The following ZNF75D variants were observed in gnomAD, a reference collection of about 807,000 sequenced individuals.
The protein encoded by ZNF75D is zinc finger protein 75D.
ZNF75D carries 33 observed loss-of-function variants against 33.3 expected under a neutral mutation model. The observed-to-expected ratio is 0.99, with a 90% CI of 0.75 to 1.32. The LOEUF (loss-of-function observed/expected upper bound fraction) is 1.32. ZNF75D is among the 40% of genes most tolerant of loss of function. The pLI, the probability that ZNF75D is intolerant of heterozygous loss-of-function variation, is 0.00. For missense variants in ZNF75D, 338 were observed against 367.5 expected, an observed-to-expected ratio of 0.92 and a Z score of 0.66; for synonymous variants, 113 against 130.6, an observed-to-expected ratio of 0.87 and a Z score of 0.92.
Position 135,294,167 on chromosome X carries a change from T to C in ZNF75D, c.-27A>G. On this transcript the variant is annotated 5_prime_UTR_variant, in exon 3 of 7. The change creates a new upstream start codon in the 5' untranslated region. Coordinates refer to ENST00000370766, the MANE Select transcript of ZNF75D (RefSeq NM_007131.5). ...TGCTCTAGGAACAGTTTTACTCTTG[T>C]ATGTGACACTGACACCCACCTGGTA... 4 of 1,142,003 alleles carry C rather than the reference T, an allele frequency of 3.5e-6. No individual in the cohort carries two copies. The South Asian group carries it at 8.4e-5, about 24-fold the overall frequency. The allele number at this position is 1,142,003 out of a possible 1,213,427, so 94.1% of individuals were successfully genotyped here. A position where few individuals can be genotyped will look rare whatever the true frequency, so the allele number is the denominator to read the frequency against.
downstream of ZNF75D, among the ~76,000 whole-genome samples, chrX:135,281,173 G>A (rs1247115328): frequency 9.1e-6 from 1 of 110,023 alleles, no homozygotes; most frequent in East Asian, 2.9e-4. Context: ...ATTTCTTGGA[G>A]GCTTTGTTCC....
At chrX:135,256,792 A>G (rs971219844) in intron 1 of ZNF75D, among the ~76,000 whole-genome samples, 1 of 111,988 alleles carries the variant, frequency 8.9e-6, no homozygotes, top group East Asian at 2.8e-4. Context: ...CAGTATAAAA[A>G]TGGACTAACA....
chrX:135,311,113 T>C (rs1556427919), intron 1 of ZNF75D, among the ~76,000 whole-genome samples: 1 of 112,658 alleles, frequency 8.9e-6, no homozygotes, highest in Non-Finnish European at 1.9e-5. Context: ...GGTGAGCTTT[T>C]CCCACTTGGT....
At chrX:135,283,129 C>A (rs782778949), downstream of ZNF75D, among the ~76,000 whole-genome samples, 2 of 112,120 alleles carry the variant, frequency 1.8e-5, no homozygotes, top group African/African-American at 6.5e-5. Context: ...CTCCTTCCCT[C>A]TCTTCTTTCC....
At position 135,273,555 on chromosome X, in the gene ZNF75D, C is replaced by T. The variant is rs144158820; in HGVS notation, n.828-17778G>A. The stretch of plus-strand genomic sequence containing the variant: ...TAAGGATGCTAAAAGTCAGGGATTA[C>T]ACACAGGAACCAAAGGAAAGCTAAT... On this transcript the variant is annotated intron_variant and non_coding_transcript_variant, in intron 1 of 3. Coordinates refer to the ZNF75D transcript ENST00000494295. 2.8e-4 allele frequency among the ~76,000 whole-genome samples: 31 copies of T among 111,029 alleles called. No homozygotes were observed. In the South Asian group the frequency reaches 3.5e-3, roughly 13 times the overall value.
At position 135,291,518 on chromosome X, in the gene ZNF75D, A is replaced by G; in HGVS notation, c.650T>C (p.Ile217Thr). ...TTTAGATGCCATCTTCCAGTGTTTG[A>G]TTCTTTTCTGCTCAGAAAGGGCTAA... ...QMLALSEQKRIKHWKMASKLI... is the reference protein window; with the variant it reads ...QMLALSEQKRTKHWKMASKLI... The change falls in exon 5 of 7, where the codon ATC becomes ACC. Residue 217 changes from isoleucine to threonine, a missense_variant. Transcript: ENST00000370766. 1 of 1,211,789 alleles carries G rather than the reference A, an allele frequency of 8.3e-7. No homozygotes were observed. The highest frequency in any genetic ancestry group is 1.1e-6 in the Non-Finnish European group (1 of 895,252).
intron 1 of ZNF75D, among the ~76,000 whole-genome samples, chrX:135,274,470 C>A (rs1556417348): frequency 9.0e-6 from 1 of 111,574 alleles, no homozygotes; most frequent in Non-Finnish European, 1.9e-5. Context: ...GGTTAGCATG[C>A]CTTTTTTTAT....
chrX:135,275,552 G>T (rs1556417480), intron 1 of ZNF75D, among the ~76,000 whole-genome samples: 1 of 110,514 alleles, frequency 9.0e-6, no homozygotes, highest in African/African-American at 3.3e-5. Flanking sequence ...TTTAGGGCTG[G>T]TTTCCTGTTT....
Position 135,293,954 on chromosome X carries a change from G to T in ZNF75D, c.187C>A (p.Pro63Thr). Reference sequence around the variant, plus strand: ...TGAAGTTGGCTGATAGTCTCAAGCGGTCCGGTTGCTTCATGATAACGGAAG... The same window carrying T: ...TGAAGTTGGCTGATAGTCTCAAGCGTTCCGGTTGCTTCATGATAACGGAAG... ...WSFRYHEATG[P>T]LETISQLQKL... The change falls in exon 3 of 7, where the codon CCG (proline) becomes ACG (threonine). Residue 63 changes from proline (P) to threonine (T), a missense_variant. Physicochemically the swap from Pro to Thr is conservative, Grantham distance 38. Coordinates refer to ENST00000370766, the MANE Select transcript of ZNF75D (RefSeq NM_007131.5). 1 of 1,211,599 alleles carries T rather than the reference G, an allele frequency of 8.3e-7. No individual in the cohort carries two copies.
intron 1 of ZNF75D, among the ~76,000 whole-genome samples, chrX:135,324,624 G>A (rs1217562075): frequency 1.8e-5 from 2 of 112,449 alleles, no homozygotes; most frequent in Non-Finnish European, 1.9e-5. Context: ...GAGGCTGAAG[G>A]TCAGTGTGTC....
intron 1 of ZNF75D, among the ~76,000 whole-genome samples, chrX:135,306,329 ACACACACG>A (rs2148480152): frequency 9.7e-6 from 1 of 103,036 alleles, no homozygotes; most frequent in Non-Finnish European, 2.0e-5. Context: ...ACACACACAC[ACACACACG>A]GGATTATAAA....
At chrX:135,335,495 A>T (rs2084699353) in intron 1 of ZNF75D, among the ~76,000 whole-genome samples, 2 of 111,310 alleles carry the variant, frequency 1.8e-5, no homozygotes, top group Admixed American at 1.9e-4. Flanking sequence ...CCTACCTCAC[A>T]GCTATGGTGA....
chrX:135,328,857 C>T (rs965440387), intron 1 of ZNF75D, among the ~76,000 whole-genome samples: 3 of 112,085 alleles, frequency 2.7e-5, no homozygotes, highest in African/African-American at 9.8e-5. Context: ...CCTCTGACCA[C>T]GCTCCTTGTG....
rs782765188 is a variant in ZNF75D at position 135,330,932 on chromosome X, A to ACCC, written c.-391+10835_-391+10836insGGG. Among the ~76,000 whole-genome samples, 4 of 111,148 alleles carry ACCC rather than the reference A, an allele frequency of 3.6e-5. No homozygotes were observed. The South Asian group carries it at 1.5e-3, about 43-fold the overall frequency. Reference sequence around the variant, plus strand: ...TAAATCTTTCTTTTTTTTTCAAAGCAAGGGAGTACTTAGGTTAGTACCAGG... The same window carrying ACCC: ...TAAATCTTTCTTTTTTTTTCAAAGCACCCAGGGAGTACTTAGGTTAGTACCAGG... On this transcript the variant is annotated intron_variant, in intron 1 of 6. Transcript: ENST00000370766.
intron 1 of ZNF75D, among the ~76,000 whole-genome samples, chrX:135,322,692 G>A (rs1556435173): frequency 8.9e-6 from 1 of 111,899 alleles, no homozygotes; most frequent in Non-Finnish European, 1.9e-5. Context: ...AGGGTCTATG[G>A]GGTCCTTTTA....
In ZNF75D at chrX:135,339,163, T is replaced by C. The variant is rs371746543; in HGVS notation, c.-391+2605A>G. Among the ~76,000 whole-genome samples the C allele has an allele frequency of 5.9e-4, 66 of 110,975 alleles. 2 individuals carry two copies. The South Asian group carries it at 0.025, about 42-fold the overall frequency. On this transcript the variant is annotated intron_variant, in intron 1 of 6. Coordinates refer to ENST00000370766, the MANE Select transcript of ZNF75D (RefSeq NM_007131.5). Reference sequence around the variant, plus strand: ...TCCCTCATCTCCCTTGGTCTTTGAGTGTTTGCCATTTTCCCCTCTATCTTC... The same window carrying C: ...TCCCTCATCTCCCTTGGTCTTTGAGCGTTTGCCATTTTCCCCTCTATCTTC...
At chrX:135,315,128 TA>T (rs1451024028) in intron 1 of ZNF75D, among the ~76,000 whole-genome samples, 1 of 112,425 alleles carries the variant, frequency 8.9e-6, no homozygotes, top group African/African-American at 3.2e-5. Flanking sequence ...CAGGTGTTGT[TA>T]TGCTTTATTT....
intron 2 of ZNF75D, 52 bp from the exon 3 acceptor site, chrX:135,294,310 A>G (rs988452509): frequency 2.7e-6 from 1 of 366,357 alleles, no homozygotes; most frequent in Non-Finnish European, 4.7e-6. Flanking sequence ...CACATGACAC[A>G]TATTTACTTG....
At chrX:135,257,094 C>T (rs1184870812) in intron 1 of ZNF75D, among the ~76,000 whole-genome samples, 12 of 112,001 alleles carry the variant, frequency 1.1e-4, no homozygotes, top group South Asian at 3.7e-4. Flanking sequence ...GATGACCCAG[C>T]GTCCTCCCAG....
Sources: allele counts gnomAD v4.1 joint callset (sites outside exome capture counted in the v4.1 genomes callset), GRCh38; gene constraint gnomAD v4.1.1; transcripts MANE v1.5; gene names NCBI Gene and HGNC (gene_info 2026-07-23, HGNC 2026-07-21).